TMEM165: variants seen among roughly 807,000 people sequenced by gnomAD.
TMEM165 encodes the protein putative divalent cation/proton antiporter TMEM165.
In TMEM165, 19 loss-of-function variants were observed where a neutral mutation model predicts 30.0. That is an observed-to-expected ratio of 0.63 (90% CI 0.44 to 0.93). TMEM165 has a LOEUF of 0.93. TMEM165 is among the 40% of genes least tolerant of loss of function. TMEM165 has a pLI of 0.00. For missense variants in TMEM165, 340 were observed against 417.0 expected, an observed-to-expected ratio of 0.82 and a Z score of 1.61; for synonymous variants, 168 against 162.9, an observed-to-expected ratio of 1.03 and a Z score of -0.24.
At chr4:55,416,406 G>T (rs528542288) in intron 2 of TMEM165, among the ~76,000 whole-genome samples, 1 of 152,254 alleles carries the variant, frequency 6.6e-6, no homozygotes, top group South Asian at 2.1e-4. Flanking sequence ...TTGAGTTCTT[G>T]ATATAGTTCC....
chr4:55,419,550 A>T (rs926142776), intron 4 of TMEM165, among the ~76,000 whole-genome samples: 2 of 151,956 alleles, frequency 1.3e-5, no homozygotes, highest in African/African-American at 4.8e-5. Context: ...TTTTCTTTTG[A>T]TGGGAATAGC....
intron 1 of TMEM165, among the ~76,000 whole-genome samples, chr4:55,399,904 C>T (rs1233905578): frequency 3.3e-5 from 5 of 150,520 alleles, no homozygotes; most frequent in African/African-American, 9.8e-5. Flanking sequence ...ATGATTTTTC[C>T]GTTTAATATT....
chr4:55,437,714 G>A (rs950558955), intron 3 of TMEM165, among the ~76,000 whole-genome samples: 1 of 152,248 alleles, frequency 6.6e-6, no homozygotes, highest in Non-Finnish European at 1.5e-5. Context: ...CAAAGGTCAC[G>A]CAGTACGTGG....
intron 3 of TMEM165, among the ~76,000 whole-genome samples, chr4:55,440,522 C>T (rs1444024633): frequency 6.6e-6 from 1 of 152,138 alleles, no homozygotes; most frequent in African/African-American, 2.4e-5. Context: ...AACAATATTA[C>T]ACTTAGTACA....
chr4:55,426,639 C>T (rs1164990941), downstream of TMEM165, among the ~76,000 whole-genome samples: 1 of 152,140 alleles, frequency 6.6e-6, no homozygotes, highest in African/African-American at 2.4e-5. Flanking sequence ...CAGAAACATC[C>T]ATGTTATTTG....
downstream of TMEM165, chr4:55,429,570 C>T (rs918290072): frequency 1.3e-5 from 2 of 152,166 alleles, no homozygotes; most frequent in African/African-American, 4.8e-5. Flanking sequence ...CATTATTCCG[C>T]CAAATTTAAG....
downstream of TMEM165, among the ~76,000 whole-genome samples, chr4:55,427,704 C>T (rs1409115727): frequency 1.3e-5 from 2 of 152,178 alleles, no homozygotes; most frequent in Non-Finnish European, 2.9e-5. Context: ...GCACCATCAT[C>T]GTGTAACCTC....
chr4:55,419,226 A>G (rs1721866192), intron 4 of TMEM165, among the ~76,000 whole-genome samples: 1 of 152,082 alleles, frequency 6.6e-6, no homozygotes, highest in Admixed American at 6.5e-5. Context: ...CCTGGCCTGA[A>G]ACTTCCTGCC....
At chr4:55,449,902 T>TA (rs1436503888) in intron 3 of TMEM165, among the ~76,000 whole-genome samples, 1 of 152,210 alleles carries the variant, frequency 6.6e-6, no homozygotes, top group Non-Finnish European at 1.5e-5. Flanking sequence ...TTTAATAGGC[T>TA]ACTTGAAGAA....
intron 3 of TMEM165, chr4:55,432,957 C>T (rs1722617291): frequency 1.3e-5 from 2 of 152,556 alleles, no homozygotes; most frequent in African/African-American, 4.8e-5. Flanking sequence ...TTGCTGTCAA[C>T]CTAAGTAGTA....
intron 1 of TMEM165, chr4:55,403,242 C>G: frequency 7.8e-7 from 1 of 1,287,992 alleles, no homozygotes; most frequent in Non-Finnish European, 1.0e-6. Context: ...GCAGGGACAT[C>G]AGTTTTTTTC....
chr4:55,426,787 A>ACAT (rs1722221246), downstream of TMEM165, among the ~76,000 whole-genome samples: 1 of 152,232 alleles, frequency 6.6e-6, no homozygotes, highest in Admixed American at 6.5e-5. Context: ...CAATTGTCCT[A>ACAT]CATGGTAACT....
intron 1 of TMEM165, among the ~76,000 whole-genome samples, chr4:55,400,036 G>T (rs1578226744): frequency 7.1e-6 from 1 of 140,346 alleles, no homozygotes; most frequent in Admixed American, 7.4e-5. Flanking sequence ...TTAGAGACAG[G>T]GTCTCACTAT....
intron 1 of TMEM165, among the ~76,000 whole-genome samples, chr4:55,403,858 C>T (rs1186873296): frequency 6.6e-6 from 1 of 151,820 alleles, no homozygotes; most frequent in Non-Finnish European, 1.5e-5. Flanking sequence ...CTCTCTGTGT[C>T]CACGTTCCTA....
intron 1 of TMEM165, among the ~76,000 whole-genome samples, chr4:55,401,205 A>G (rs528155405): frequency 1.3e-5 from 2 of 150,298 alleles, no homozygotes; most frequent in Admixed American, 6.6e-5. Context: ...TTTTCTCTAT[A>G]ATTAGGCTAA....
chr4:55,424,200 A>G (rs144324647), intron 4 of TMEM165: 2 of 212,110 alleles, frequency 9.4e-6, no homozygotes, highest in African/African-American at 4.6e-5. Flanking sequence ...CTAGCTTAAA[A>G]TCCTCCCTAG....
intron 4 of TMEM165, chr4:55,424,321 G>T (rs1336251437): frequency 4.0e-6 from 2 of 503,486 alleles, no homozygotes; most frequent in Non-Finnish European, 7.0e-6. Context: ...AATTGATTTG[G>T]GTTATTTCAA....
In TMEM165 at chr4:55,425,439, A is replaced by T; in HGVS notation, c.962A>T (p.Asp321Val). 4 of 1,599,828 alleles carry T rather than the reference A, an allele frequency of 2.5e-6. No individual in the cohort carries two copies. Among genetic ancestry groups the T allele is most frequent in the Non-Finnish European group, 3.4e-6 (4 of 1,174,376 alleles). The change falls in exon 6 of 6, where the codon GAT (aspartate) becomes GTT (valine). Residue 321 changes from aspartate to valine, a missense_variant. Around this residue, in one of 2 missense-constraint regions of TMEM165, gnomAD observed 220 missense variants for 307.6 expected, o/e 0.72. Coordinates refer to ENST00000381334, the MANE Select transcript of TMEM165 (RefSeq NM_018475.5). ...TTTTCTGCACTATTTATAAGCCCTG[A>T]TTCTGGTTTTTAACAAGCTGTTTGT... ...FAFSALFISPDSGF is the reference protein window; with the variant it reads ...FAFSALFISPVSGF
chr4:55,427,989 T>G (rs1722305619), downstream of TMEM165: 2 of 152,358 alleles, frequency 1.3e-5, no homozygotes, highest in Admixed American at 1.3e-4. Context: ...GAAGCAGGTG[T>G]TATTTTTTGA....
Sources: allele counts gnomAD v4.1 joint callset (sites outside exome capture counted in the v4.1 genomes callset), GRCh38; gene constraint gnomAD v4.1.1; regional missense constraint gnomAD v4.1.1; transcripts MANE v1.5; gene names NCBI Gene and HGNC (gene_info 2026-07-23, HGNC 2026-07-21).